Variants in PLXNA2 observed in about 807,000 individuals in gnomAD.
The protein encoded by PLXNA2 is plexin-A2.
Under a neutral mutation model 193.5 loss-of-function variants are expected in PLXNA2, and 91 were observed. The observed-to-expected ratio is 0.47, with a 90% CI of 0.40 to 0.56. The LOEUF (loss-of-function observed/expected upper bound fraction) is 0.56. Among genes scored for constraint, PLXNA2 ranks in the 20% least tolerant of loss-of-function variants. The probability of loss-of-function intolerance (pLI) is 0.00; values close to 1 mark genes in which losing one functional copy is unlikely to be tolerated. For missense variants in PLXNA2, 1,995 were observed against 2,503.2 expected (o/e 0.80, Z 4.33); for synonymous variants, 997 against 1,027.3 (o/e 0.97, Z 0.56).
chr1:208,056,691 G>T (rs559616898), intron 13 of PLXNA2, among the ~76,000 whole-genome samples: 1 of 152,264 alleles, frequency 6.6e-6, no homozygotes, highest in South Asian at 2.1e-4. Flanking sequence ...TGCAAGGAAG[G>T]GCACCTGTAG....
rs184249481 is a variant in PLXNA2, at chr1:208,060,047, C to T, written c.2738+639G>A. On this transcript the variant is annotated intron_variant, in intron 13 of 31. Coordinates refer to ENST00000367033, the MANE Select transcript of PLXNA2 (RefSeq NM_025179.4). ...ATGCAGAATGATTTGGCTGCTCCCC[C>T]GCTTTCTCCTTTGGAGGGGTAGCCT... Among the ~76,000 whole-genome samples, 24 of 152,268 alleles carry T rather than the reference C, an allele frequency of 1.6e-4. No individual in the cohort carries two copies. The South Asian group carries it at 1.7e-3, about 11-fold the overall frequency.
chr1:208,178,487 C>T (rs1189206846), intron 3 of PLXNA2, among the ~76,000 whole-genome samples: 1 of 152,148 alleles, frequency 6.6e-6, no homozygotes, highest in African/African-American at 2.4e-5. Flanking sequence ...TTGAGGAAGG[C>T]CTAAAATACC....
At chr1:208,036,938 G>C (rs1361643041) in intron 26 of PLXNA2, among the ~76,000 whole-genome samples, 1 of 152,068 alleles carries the variant, frequency 6.6e-6, no homozygotes, top group Non-Finnish European at 1.5e-5. Flanking sequence ...CATGATTTGG[G>C]GGCATCATGC....
intron 15 of PLXNA2, among the ~76,000 whole-genome samples, chr1:208,051,643 G>C (rs539108550): frequency 2.6e-5 from 4 of 152,282 alleles, no homozygotes; most frequent in Non-Finnish European, 5.9e-5. Flanking sequence ...TTGAAAATGA[G>C]GGGCAGGGAT....
intron 3 of PLXNA2, among the ~76,000 whole-genome samples, chr1:208,155,546 C>T (rs1376626742): frequency 1.3e-5 from 2 of 152,214 alleles, no homozygotes; most frequent in Non-Finnish European, 2.9e-5. Context: ...ATTAACTGAA[C>T]AGCACTTTGC....
At chr1:208,097,994 C>T (rs760160681) in intron 6 of PLXNA2, among the ~76,000 whole-genome samples, 7 of 152,098 alleles carry the variant, frequency 4.6e-5, no homozygotes, top group South Asian at 4.2e-4. Flanking sequence ...CGTGAGCCAC[C>T]GCGCCCAGCC....
chr1:208,085,338 T>C (rs1442951906), intron 9 of PLXNA2, among the ~76,000 whole-genome samples: 1 of 152,174 alleles, frequency 6.6e-6, no homozygotes, highest in Non-Finnish European at 1.5e-5. Context: ...ATGAGCCTGG[T>C]AGCCCCTGGC....
chr1:208,098,944 G>T lies in PLXNA2; in HGVS notation c.1633C>A (p.Gln545Lys). ...GCAAATCGATTAGGTTCCCAGGCCT[G>T]TTGGCATTTGTCCCTGCGGGAGCAC... Reference protein sequence around the residue: ...NMCSRRDKCQQAWEPNRFAAS... With the variant: ...NMCSRRDKCQKAWEPNRFAAS... Residue 545 changes from glutamine (Q) to lysine (K), a missense_variant, in exon 6 of 32, where the codon CAG becomes AAG. Gln to Lys is a moderately conservative substitution (Grantham distance 53, BLOSUM62 1). Transcript: ENST00000367033. The T allele has an allele frequency of 6.2e-7, 1 of 1,612,960 alleles. No homozygotes were observed.
intron 4 of PLXNA2, among the ~76,000 whole-genome samples, chr1:208,130,937 C>T (rs1668130480): frequency 6.6e-6 from 1 of 152,192 alleles, no homozygotes; most frequent in African/African-American, 2.4e-5. Flanking sequence ...CTGAGGAGTT[C>T]AGAGGCCTTC....
At chr1:208,054,365 G>A (rs201046278) in intron 14 of PLXNA2, 56 bp downstream of exon 14, 141 of 1,194,546 alleles carry the variant, frequency 1.2e-4, no homozygotes, top group Non-Finnish European at 3.0e-5. Context: ...GAGGAGTCTG[G>A]AGCATGTGTG....
chr1:208,179,618 G>A (rs1167825890), intron 3 of PLXNA2, among the ~76,000 whole-genome samples: 1 of 152,218 alleles, frequency 6.6e-6, no homozygotes, highest in Non-Finnish European at 1.5e-5. Flanking sequence ...CTATCCACAG[G>A]GTGGGGCAGA....
Position 208,161,133 on chromosome 1 carries a change from G to T in PLXNA2, c.1372-18670C>A, listed in dbSNP as rs1028865298. 2.0e-5 allele frequency among the ~76,000 whole-genome samples: 3 copies of T among 152,170 alleles called. No homozygotes were observed. The East Asian group carries it at 5.8e-4, about 29-fold the overall frequency. On this transcript the variant is annotated intron_variant, in intron 3 of 31. Coordinates refer to ENST00000367033, the MANE Select transcript of PLXNA2 (RefSeq NM_025179.4). ...GCTGGAGGTGATGTTGCCTTATCAG[G>T]GTTGATTAGTTGGGCTGAAATTTAC...
In PLXNA2 at chr1:208,027,002, G is replaced by A. The variant is rs558646461; in HGVS notation, c.*241C>T. On this transcript the variant is annotated 3_prime_UTR_variant, in exon 32 of 32. Coordinates refer to ENST00000367033, the MANE Select transcript of PLXNA2 (RefSeq NM_025179.4). ...TCGGCTTGAAGAACCACCTTCTCCC[G>A]GCCCCGGGTTCTCTGGTGTTCTCAC... The A allele has an allele frequency of 6.7e-4, 280 of 416,222 alleles. No individual in the cohort carries two copies. The highest frequency in any genetic ancestry group is 1.1e-3 in the Non-Finnish European group (242 of 229,418). 25.8% of individuals were successfully genotyped at this position (416,222 alleles called of 1,614,324 possible).
intron 26 of PLXNA2, 69 bp from the exon 27 acceptor site, chr1:208,034,661 T>C: frequency 1.0e-6 from 1 of 956,508 alleles, no homozygotes; most frequent in South Asian, 1.3e-5. Context: ...GATAGTCAAG[T>C]ATTTCTAGAG....
intron 3 of PLXNA2, among the ~76,000 whole-genome samples, chr1:208,186,162 C>T (rs1669991632): frequency 6.6e-6 from 1 of 152,178 alleles, no homozygotes; most frequent in Admixed American, 6.5e-5. Context: ...AGGCTGGCTC[C>T]TCCGTCTTTT....
chr1:208,152,043 G>A (rs572830712), intron 3 of PLXNA2, among the ~76,000 whole-genome samples: 2 of 152,354 alleles, frequency 1.3e-5, no homozygotes, highest in Non-Finnish European at 1.5e-5. Flanking sequence ...GTGTTTAAGA[G>A]GGTTATTACT....
chr1:208,185,714 A>AAAAAAAAG lies in PLXNA2; in HGVS notation c.1371+24565_1371+24566insCTTTTTTT, dbSNP rs1558234131. 2.7e-4 allele frequency among the ~76,000 whole-genome samples: 37 copies of AAAAAAAAG among 135,986 alleles called. No homozygotes were observed. The East Asian group carries it at 5.6e-3, about 21-fold the overall frequency. The allele number at this position is 135,986 out of a possible 152,430, so 89.2% of individuals were successfully genotyped here. ...CTGAAAGCAAAAAAAAAAAAAAAAA[A>AAAAAAAAG]AAAAGGAAAAAAAAAAAGAAACTAT... On this transcript the variant is annotated intron_variant, in intron 3 of 31. Coordinates refer to ENST00000367033, the MANE Select transcript of PLXNA2 (RefSeq NM_025179.4).
At chr1:208,195,530 ATTGT>A (rs1670328763) in intron 3 of PLXNA2, among the ~76,000 whole-genome samples, 1 of 151,614 alleles carries the variant, frequency 6.6e-6, no homozygotes, top group African/African-American at 2.4e-5. Flanking sequence ...TTTATCTCCC[ATTGT>A]TTATGGCCTG....
intron 4 of PLXNA2, among the ~76,000 whole-genome samples, chr1:208,122,641 G>A (rs930115866): frequency 2.0e-5 from 3 of 152,126 alleles, no homozygotes; most frequent in African/African-American, 4.8e-5. Context: ...TGCACCCATT[G>A]GATGGTGAGA....
Sources: allele counts gnomAD v4.1 joint callset (sites outside exome capture counted in the v4.1 genomes callset), GRCh38; gene constraint gnomAD v4.1.1; transcripts MANE v1.5; gene names NCBI Gene and HGNC (gene_info 2026-07-23, HGNC 2026-07-21).